Variants in UBE2E2 observed in about 807,000 individuals in gnomAD.
UBE2E2 encodes the protein ubiquitin conjugating enzyme E2 E2.
In UBE2E2, 6 loss-of-function variants were observed where a neutral mutation model predicts 24.7. That is an observed-to-expected ratio of 0.24 (90% CI 0.13 to 0.48). The LOEUF is 0.48. Ranked by LOEUF, UBE2E2 falls within the 20% of genes least tolerant of loss-of-function variation. The probability of loss-of-function intolerance (pLI) is 0.99; values close to 1 mark genes in which losing one functional copy is unlikely to be tolerated. For missense variants in UBE2E2, 169 were observed against 245.0 expected (o/e 0.69, Z 2.07); for synonymous variants, 104 against 83.6 (o/e 1.24, Z -1.33).
intron 3 of UBE2E2, among the ~76,000 whole-genome samples, chr3:23,334,936 T>C (rs574785760): frequency 6.6e-6 from 1 of 152,346 alleles, no homozygotes; most frequent in South Asian, 2.1e-4. Context: ...TAAAGATCTT[T>C]ACATTTATGA....
At chr3:23,506,741 T>G (rs1694468102) in intron 4 of UBE2E2, among the ~76,000 whole-genome samples, 1 of 152,062 alleles carries the variant, frequency 6.6e-6, no homozygotes, top group Non-Finnish European at 1.5e-5. Flanking sequence ...TCAAGCAATC[T>G]TCCCACCCCA....
At chr3:23,329,810 A>G (rs1161795044) in intron 3 of UBE2E2, among the ~76,000 whole-genome samples, 2 of 152,192 alleles carry the variant, frequency 1.3e-5, no homozygotes, top group African/African-American at 4.8e-5. Flanking sequence ...AATCCCCACC[A>G]TCTTTACTGT....
chr3:23,372,318 T>C (rs1696417659), intron 3 of UBE2E2, among the ~76,000 whole-genome samples: 1 of 152,210 alleles, frequency 6.6e-6, no homozygotes, highest in African/African-American at 2.4e-5. Context: ...AGTATCATCT[T>C]TAATGTTACT....
intron 2 of UBE2E2, among the ~76,000 whole-genome samples, chr3:23,214,140 C>G (rs1479898317): frequency 6.6e-6 from 1 of 152,162 alleles, no homozygotes; most frequent in Non-Finnish European, 1.5e-5. Flanking sequence ...ACTCACTGCT[C>G]AGACTTCTTG....
chr3:23,494,805 A>G (rs1232091678), intron 3 of UBE2E2, among the ~76,000 whole-genome samples: 1 of 151,838 alleles, frequency 6.6e-6, no homozygotes, highest in African/African-American at 2.4e-5. Flanking sequence ...GCTCACTGCA[A>G]CCTCCACCTC....
At chr3:23,426,229 G>C (rs2125395978) in intron 3 of UBE2E2, among the ~76,000 whole-genome samples, 1 of 152,170 alleles carries the variant, frequency 6.6e-6, no homozygotes, top group Non-Finnish European at 1.5e-5. Context: ...GAAATAAACT[G>C]AACAGAATAT....
chr3:23,590,389 C>T lies in UBE2E2; in HGVS notation c.*558C>T, dbSNP rs1205686928. On this transcript the variant is annotated 3_prime_UTR_variant, in exon 6 of 6. Coordinates refer to ENST00000396703, the MANE Select transcript of UBE2E2 (RefSeq NM_152653.4). ...CTTCAATCAGAATCACTGTGCATTA[C>T]TGAGACTCTGTTTATCACTAGCCTT... The T allele has an allele frequency of 1.3e-5, 2 of 152,816 alleles. No individual in the cohort carries two copies. Among genetic ancestry groups the T allele is most frequent in the Non-Finnish European group, 2.9e-5 (2 of 68,184 alleles). The allele number at this position is 152,816 out of a possible 1,614,324, so 9.5% of individuals were successfully genotyped here. A position where few individuals can be genotyped will look rare whatever the true frequency, so the allele number is the denominator to read the frequency against.
intron 3 of UBE2E2, among the ~76,000 whole-genome samples, chr3:23,372,334 A>G (rs1415456936): frequency 2.6e-5 from 4 of 152,022 alleles, no homozygotes; most frequent in Non-Finnish European, 5.9e-5. Context: ...TTACTTTAAA[A>G]ATATTCTTTA....
intron 3 of UBE2E2, among the ~76,000 whole-genome samples, chr3:23,360,472 T>G (rs1235285634): frequency 6.6e-6 from 1 of 152,112 alleles, no homozygotes; most frequent in Non-Finnish European, 1.5e-5. Context: ...CAAATAGACA[T>G]AAGAAAATAA....
At chr3:23,296,419 C>G (rs1320238959) in intron 3 of UBE2E2, among the ~76,000 whole-genome samples, 1 of 152,072 alleles carries the variant, frequency 6.6e-6, no homozygotes, top group Non-Finnish European at 1.5e-5. Flanking sequence ...CACCCATTAA[C>G]TCGTCATTTA....
intron 3 of UBE2E2, among the ~76,000 whole-genome samples, chr3:23,267,451 C>G (rs59226393): frequency 2.0e-5 from 3 of 152,214 alleles, no homozygotes; most frequent in Non-Finnish European, 4.4e-5. Flanking sequence ...ACTAAAAAAT[C>G]TAGAAGAAAT....
At chr3:23,514,300 C>CA (rs1694677976) in intron 4 of UBE2E2, among the ~76,000 whole-genome samples, 1 of 152,228 alleles carries the variant, frequency 6.6e-6, no homozygotes, top group Non-Finnish European at 1.5e-5. Flanking sequence ...GTTTCTTTCT[C>CA]ACGTTACCTT....
intron 3 of UBE2E2, among the ~76,000 whole-genome samples, chr3:23,448,192 G>A (rs1490176912): frequency 3.3e-5 from 5 of 152,150 alleles, no homozygotes; most frequent in Admixed American, 6.5e-5. Flanking sequence ...GTCTGTCGAG[G>A]TTAGTGACCC....
chr3:23,289,229 G>A (rs1175868960), intron 3 of UBE2E2, among the ~76,000 whole-genome samples: 1 of 152,156 alleles, frequency 6.6e-6, no homozygotes, highest in Non-Finnish European at 1.5e-5. Flanking sequence ...TAACAAATAC[G>A]GCTAAAGTGG....
At chr3:23,435,226 A>T (rs1698153554) in intron 3 of UBE2E2, among the ~76,000 whole-genome samples, 1 of 152,210 alleles carries the variant, frequency 6.6e-6, no homozygotes, top group Non-Finnish European at 1.5e-5. Flanking sequence ...TGGGATAAGG[A>T]TTTTATTAGT....
At chr3:23,457,547 T>C (rs558104683) in intron 3 of UBE2E2, among the ~76,000 whole-genome samples, 1 of 152,196 alleles carries the variant, frequency 6.6e-6, no homozygotes, top group South Asian at 2.1e-4. Flanking sequence ...TTTTTGGAGG[T>C]AGGGTCTTGC....
chr3:23,331,169 G>A (rs577932997), intron 3 of UBE2E2, among the ~76,000 whole-genome samples: 181 of 152,230 alleles, frequency 1.2e-3, no homozygotes, highest in Non-Finnish European at 1.9e-3. Flanking sequence ...ACATGTTTGG[G>A]TAAGTGGCAC....
chr3:23,256,436 T>G (rs1192225641), intron 3 of UBE2E2, among the ~76,000 whole-genome samples: 1 of 151,908 alleles, frequency 6.6e-6, no homozygotes, highest in African/African-American at 2.4e-5. Flanking sequence ...TGTATTTTCA[T>G]TATATAAACT....
intron 4 of UBE2E2, among the ~76,000 whole-genome samples, chr3:23,522,163 C>T (rs1206170660): frequency 8.1e-6 from 1 of 123,122 alleles, no homozygotes; most frequent in East Asian, 2.6e-4. Flanking sequence ...CAGAGTCTCG[C>T]TCTGTTGCCC....
Sources: allele counts gnomAD v4.1 joint callset (sites outside exome capture counted in the v4.1 genomes callset), GRCh38; gene constraint gnomAD v4.1.1; transcripts MANE v1.5; gene names NCBI Gene and HGNC (gene_info 2026-07-23, HGNC 2026-07-21).